SCMH1: variants seen among roughly 807,000 people sequenced by gnomAD.
SCMH1 encodes polycomb protein SCMH1.
SCMH1 carries 37 observed loss-of-function variants against 70.8 expected under a neutral mutation model. That is an observed-to-expected ratio of 0.52 (90% CI 0.40 to 0.69). The LOEUF is 0.69. Ranked by LOEUF, SCMH1 falls within the 30% of genes least tolerant of loss-of-function variation. The pLI is 0.00. For missense variants in SCMH1, 607 were observed against 827.3 expected, an observed-to-expected ratio of 0.73 and a Z score of 3.27; for synonymous variants, 292 against 307.4, an observed-to-expected ratio of 0.95 and a Z score of 0.52.
intron 8 of SCMH1, among the ~76,000 whole-genome samples, chr1:41,092,250 C>T (rs1558800444): frequency 6.6e-6 from 1 of 152,056 alleles, no homozygotes; most frequent in African/African-American, 2.4e-5. Context: ...TTTGACAAAC[C>T]TGAGAAAAAC....
intron 6 of SCMH1, among the ~76,000 whole-genome samples, chr1:41,133,865 C>G (rs1642804422): frequency 6.6e-6 from 1 of 152,134 alleles, no homozygotes; most frequent in African/African-American, 2.4e-5. Context: ...CAAAGAGGAG[C>G]TGGTACCATT....
intron 2 of SCMH1, among the ~76,000 whole-genome samples, chr1:41,182,624 T>A (rs1649119623): frequency 6.6e-6 from 1 of 152,060 alleles, no homozygotes. Context: ...GATGGGAGGA[T>A]TGCTTGAGCC....
chr1:41,135,155 T>C (rs61781829), intron 6 of SCMH1, among the ~76,000 whole-genome samples: 13,332 of 152,214 alleles, frequency 0.088, 742 homozygotes, highest in Non-Finnish European at 0.12. Flanking sequence ...TGTGGGCACA[T>C]GTGTATAAAT....
chr1:41,178,239 C>T (rs930019228), intron 2 of SCMH1, among the ~76,000 whole-genome samples: 1 of 152,270 alleles, frequency 6.6e-6, no homozygotes, highest in African/African-American at 2.4e-5. Context: ...CTGAAGGAAG[C>T]ACTAAACACG....
chr1:41,157,231 T>A (rs1385885252), intron 4 of SCMH1, among the ~76,000 whole-genome samples: 2 of 152,202 alleles, frequency 1.3e-5, no homozygotes, highest in African/African-American at 4.8e-5. Context: ...AACTGTGTTT[T>A]AACAATTTCC....
At chr1:41,104,371 T>A (rs1667351607) in intron 8 of SCMH1, among the ~76,000 whole-genome samples, 1 of 152,130 alleles carries the variant, frequency 6.6e-6, no homozygotes, top group Non-Finnish European at 1.5e-5. Flanking sequence ...GAGGAAATGG[T>A]ATATAAATAG....
intron 8 of SCMH1, among the ~76,000 whole-genome samples, chr1:41,082,888 A>G (rs11576982): frequency 0.078 from 11,885 of 152,282 alleles, 601 homozygotes; most frequent in South Asian, 0.13. Flanking sequence ...TGATTATCTC[A>G]ATAGATGCAG....
intron 10 of SCMH1, among the ~76,000 whole-genome samples, chr1:41,060,126 T>C (rs1343357905): frequency 1.3e-5 from 2 of 151,816 alleles, no homozygotes; most frequent in African/African-American, 4.8e-5. Context: ...GAAGCAATAA[T>C]GACTGAGAAT....
chr1:41,053,360 C>T (rs1489307758), intron 10 of SCMH1, among the ~76,000 whole-genome samples: 1 of 152,180 alleles, frequency 6.6e-6, no homozygotes, highest in Non-Finnish European at 1.5e-5. Flanking sequence ...AGAAACAACA[C>T]TGTACCAGTT....
At chr1:41,028,972 A>G (rs927818308) in intron 13 of SCMH1, among the ~76,000 whole-genome samples, 1 of 152,150 alleles carries the variant, frequency 6.6e-6, no homozygotes, top group African/African-American at 2.4e-5. Flanking sequence ...TGAGGCTATG[A>G]TTCAGCCCAA....
chr1:41,174,621 T>C (rs1167448502), intron 2 of SCMH1, among the ~76,000 whole-genome samples: 1 of 152,178 alleles, frequency 6.6e-6, no homozygotes, highest in African/African-American at 2.4e-5. Flanking sequence ...AATAGATAAG[T>C]TATAAATACC....
chr1:41,139,048 G>T (rs938447699), intron 6 of SCMH1, among the ~76,000 whole-genome samples: 1 of 152,120 alleles, frequency 6.6e-6, no homozygotes, highest in Non-Finnish European at 1.5e-5. Context: ...CTTTTATTCT[G>T]TATAATCCTA....
intron 12 of SCMH1, 138 bp from the exon 13 acceptor site, chr1:41,037,679 T>C: frequency 1.4e-6 from 1 of 693,058 alleles, no homozygotes; most frequent in Non-Finnish European, 2.4e-6. Context: ...GTACCAGTCA[T>C]GGTTGTGGCT....
intron 1 of SCMH1, among the ~76,000 whole-genome samples, chr1:41,214,106 A>G (rs1387126882): frequency 6.6e-6 from 1 of 152,154 alleles, no homozygotes; most frequent in Non-Finnish European, 1.5e-5. Context: ...ACATGCATGC[A>G]CACATACATG....
chr1:41,133,709 C>G (rs775410141), intron 6 of SCMH1, among the ~76,000 whole-genome samples: 3 of 152,138 alleles, frequency 2.0e-5, no homozygotes, highest in Non-Finnish European at 4.4e-5. Flanking sequence ...AATTCCTGGA[C>G]ACATACACTC....
intron 4 of SCMH1, chr1:41,152,595 C>G: frequency 6.2e-7 from 1 of 1,614,022 alleles, no homozygotes; most frequent in Non-Finnish European, 8.5e-7. Context: ...CCCCTAATAC[C>G]CACCTAGAGG....
intron 8 of SCMH1, among the ~76,000 whole-genome samples, chr1:41,080,367 T>C (rs1263596161): frequency 5.9e-5 from 9 of 152,096 alleles, no homozygotes; most frequent in Non-Finnish European, 1.3e-4. Context: ...ACACTTCCCA[T>C]TTCATTTTAT....
intron 1 of SCMH1, among the ~76,000 whole-genome samples, chr1:41,187,472 A>G (rs1557772550): frequency 6.6e-6 from 1 of 151,896 alleles, no homozygotes; most frequent in Non-Finnish European, 1.5e-5. Flanking sequence ...AAAAAAAAAA[A>G]AAAACCCCAA....
At chr1:41,137,868 C>T (rs1406160437) in intron 6 of SCMH1, among the ~76,000 whole-genome samples, 1 of 152,176 alleles carries the variant, frequency 6.6e-6, no homozygotes, top group Non-Finnish European at 1.5e-5. Context: ...AGTTATCTTT[C>T]CTTTACTAAC....
Sources: gnomAD v4.1 joint callset for allele counts (sites outside exome capture counted in the v4.1 genomes callset) on GRCh38, gnomAD v4.1.1 for gene constraint, MANE v1.5 for transcripts, NCBI Gene and HGNC (gene_info 2026-07-23, HGNC 2026-07-21) for gene names.